Variants in ATP8B1 observed in about 807,000 individuals in gnomAD.
The protein encoded by ATP8B1 is ATPase phospholipid transporting 8B1, also known as phospholipid-transporting ATPase IC.
ATP8B1 carries 80 observed loss-of-function variants against 149.9 expected under a neutral mutation model. The observed-to-expected ratio is 0.53, with a 90% confidence interval of 0.45 to 0.64. The LOEUF is 0.64. Ranked by LOEUF, ATP8B1 falls within the 30% of genes least tolerant of loss-of-function variation. ATP8B1 has a pLI of 0.00. For synonymous variants in ATP8B1, 536 were observed against 562.8 expected (o/e 0.95, Z 0.67); for missense variants, 1,247 against 1,552.6 (o/e 0.80, Z 3.31).
At chr18:57,701,483 T>C (rs545307882) in intron 4 of ATP8B1, among the ~76,000 whole-genome samples, 170 bp from the exon 5 acceptor site, 8 of 152,314 alleles carry the variant, frequency 5.3e-5, no homozygotes, top group African/African-American at 1.9e-4. Context: ...GACAACCTCC[T>C]TCTAGTGGTT....
At chr18:57,741,550 T>C (rs980165165) in intron 1 of ATP8B1, among the ~76,000 whole-genome samples, 1 of 152,350 alleles carries the variant, frequency 6.6e-6, no homozygotes, top group Non-Finnish European at 1.5e-5. Context: ...GCTGGCACCT[T>C]AATTGTAGCC....
Position 57,688,417 on chromosome 18 carries a change from T to A in ATP8B1, c.1311A>T (p.Arg437Ser). 6.2e-7 allele frequency: 1 copy of A among 1,614,228 alleles called. No individual in the cohort carries two copies. The highest frequency in any genetic ancestry group is 8.5e-7 in the Non-Finnish European group (1 of 1,180,048). The change falls in exon 13 of 28, where the codon AGA becomes AGT. Residue 437 changes from arginine to serine, a missense_variant. Coordinates refer to ENST00000648908, the MANE Select transcript of ATP8B1 (RefSeq NM_001374385.1). ...YAEKDTPAKARTTTLNEQLGQ... is the reference protein window; with the variant it reads ...YAEKDTPAKASTTTLNEQLGQ... ...CGAGCTGTTCATTGAGTGTGGTGGT[T>A]CTAGCTTTTGCGGGTGTGTCCTTCT...
At chr18:57,764,419 CTCTTTCTT>C (rs34664757) in intron 1 of ATP8B1, among the ~76,000 whole-genome samples, 1 of 145,316 alleles carries the variant, frequency 6.9e-6, no homozygotes, top group African/African-American at 2.6e-5. Flanking sequence ...CTCTCTTTCT[CTCTTTCTT>C]TCTTTCTTTC....
At chr18:57,747,501 A>G (rs1487104707) in intron 1 of ATP8B1, among the ~76,000 whole-genome samples, 14 of 151,768 alleles carry the variant, frequency 9.2e-5, no homozygotes, top group Admixed American at 8.5e-4. Flanking sequence ...GGCTCTCCTT[A>G]GTGATCTGTA....
intron 1 of ATP8B1, among the ~76,000 whole-genome samples, chr18:57,736,866 T>TA (rs1015777450): frequency 6.6e-6 from 1 of 152,186 alleles, no homozygotes; most frequent in Non-Finnish European, 1.5e-5. Flanking sequence ...TCCATTGGTT[T>TA]ATGTGTCTGT....
intron 12 of ATP8B1, among the ~76,000 whole-genome samples, chr18:57,690,233 C>T (rs748591791): frequency 6.6e-5 from 10 of 152,148 alleles, no homozygotes; most frequent in Non-Finnish European, 1.5e-4. Context: ...AGAGCAGGGA[C>T]AAAGGCCCTG....
At chr18:57,782,121 G>A (rs2080362382) in intron 1 of ATP8B1, among the ~76,000 whole-genome samples, 1 of 152,206 alleles carries the variant, frequency 6.6e-6, no homozygotes, top group African/African-American at 2.4e-5. Context: ...TCTGCCATAG[G>A]GCAGAAAGCT....
rs554589139 is a variant in ATP8B1 at position 57,681,869 on chromosome 18, T to C, written c.1630+2167A>G. On this transcript the variant is annotated intron_variant, in intron 15 of 27. Coordinates refer to ENST00000648908, the MANE Select transcript of ATP8B1 (RefSeq NM_001374385.1). Reference sequence around the variant, plus strand: ...TTCAAGGGATCCTTTCCTGGTACTTTATGGTTAAAAGCCGAAAGCAATTTC... The same window carrying C: ...TTCAAGGGATCCTTTCCTGGTACTTCATGGTTAAAAGCCGAAAGCAATTTC... Among the ~76,000 whole-genome samples, 3 of 117,956 alleles carry C rather than the reference T, an allele frequency of 2.5e-5. No homozygotes were observed. In the East Asian group the frequency reaches 7.6e-4, roughly 30 times the overall value. The allele number at this position is 117,956 out of a possible 152,430, so 77.4% of individuals were successfully genotyped here.
At chr18:57,797,847 C>T (rs977382883) in intron 1 of ATP8B1, among the ~76,000 whole-genome samples, 13 of 151,686 alleles carry the variant, frequency 8.6e-5, no homozygotes, top group South Asian at 2.1e-4. Flanking sequence ...GCTGGGACTA[C>T]GGGCGCATGC....
At chr18:57,649,954 AATG>A (rs1288214655) in intron 27 of ATP8B1, among the ~76,000 whole-genome samples, 1 of 152,218 alleles carries the variant, frequency 6.6e-6, no homozygotes, top group East Asian at 1.9e-4. Flanking sequence ...ACTAATGATT[AATG>A]ATGACGCACT....
At chr18:57,745,264 T>C (rs2079954157) in intron 1 of ATP8B1, among the ~76,000 whole-genome samples, 1 of 152,136 alleles carries the variant, frequency 6.6e-6, no homozygotes, top group South Asian at 2.1e-4. Context: ...GAAAGGACTC[T>C]TACTGAAACA....
rs10048297 is a variant in ATP8B1, at chr18:57,772,906, G to T, written c.-26+30092C>A. Among the ~76,000 whole-genome samples, 4 of 151,944 alleles carry T rather than the reference G, an allele frequency of 2.6e-5. No individual in the cohort carries two copies. In the East Asian group the frequency reaches 7.7e-4, roughly 29 times the overall value. On this transcript the variant is annotated intron_variant, in intron 1 of 27. Transcript: ENST00000648908. ...GTGCAGGATCCATCTGTGCAAAGAG[G>T]CTGGGGCCTCAACAACATGAACTGT...
In ATP8B1 at chr18:57,650,403, G is replaced by C; in HGVS notation, c.3495C>G (p.Phe1165Leu). The change falls in exon 27 of 28, where the codon TTC (phenylalanine) becomes TTG (leucine). Residue 1165 changes from phenylalanine (F) to leucine (L), a missense_variant. Phe to Leu is a conservative substitution (Grantham distance 22). Around this residue, in one of 3 missense-constraint regions of ATP8B1, gnomAD observed 164 missense variants for 160.3 expected, o/e 1.02. Transcript: ENST00000648908. ...VCLLPVVAIR[F>L]LSMTIWPSES... Reference sequence around the variant, plus strand: ...CTGATGGCCAGATGGTCATTGACAGGAATCGAATGGCAACGACGGGTAGTA... The same window carrying C: ...CTGATGGCCAGATGGTCATTGACAGCAATCGAATGGCAACGACGGGTAGTA... The C allele has an allele frequency of 6.2e-7, 1 of 1,613,890 alleles. No individual in the cohort carries two copies. The highest frequency in any genetic ancestry group is 1.7e-5 in the Admixed American group (1 of 60,006).
At chr18:57,672,933 AC>A (rs1568189452) in intron 16 of ATP8B1, among the ~76,000 whole-genome samples, 2,338 of 43,500 alleles carry the variant, frequency 0.054, 236 homozygotes, top group African/African-American at 0.14. Flanking sequence ...TATATATATA[AC>A]ATGTATATAC....
intron 27 of ATP8B1, among the ~76,000 whole-genome samples, chr18:57,649,634 TG>T (rs1363615868): frequency 6.6e-6 from 1 of 151,998 alleles, no homozygotes; most frequent in Non-Finnish European, 1.5e-5. Flanking sequence ...TCATGGGCGG[TG>T]GGCAGGTTGA....
intron 1 of ATP8B1, among the ~76,000 whole-genome samples, chr18:57,770,680 T>C (rs1165333955): frequency 6.6e-6 from 1 of 152,172 alleles, no homozygotes; most frequent in Non-Finnish European, 1.5e-5. Context: ...GGCTACCCCT[T>C]GGGGGCAAAC....
At chr18:57,758,845 A>G (rs965341855) in intron 1 of ATP8B1, among the ~76,000 whole-genome samples, 1 of 151,786 alleles carries the variant, frequency 6.6e-6, no homozygotes, top group African/African-American at 2.4e-5. Flanking sequence ...TGTATAAATC[A>G]TTTTCCTGGA....
intron 2 of ATP8B1, among the ~76,000 whole-genome samples, chr18:57,713,314 A>G: frequency 7.4e-6 from 1 of 135,110 alleles, no homozygotes; most frequent in Non-Finnish European, 1.6e-5. Flanking sequence ...CTTTCTTTTC[A>G]GAGATAGAGT....
chr18:57,680,690 C>T (rs957840792), intron 15 of ATP8B1, among the ~76,000 whole-genome samples: 1 of 54,636 alleles, frequency 1.8e-5, no homozygotes, highest in African/African-American at 6.6e-5. Flanking sequence ...TCCTCTCACC[C>T]CCTTTAAATG....
Sources: allele counts gnomAD v4.1 joint callset (sites outside exome capture counted in the v4.1 genomes callset), GRCh38; gene constraint gnomAD v4.1.1; regional missense constraint gnomAD v4.1.1; transcripts MANE v1.5; gene names NCBI Gene and HGNC (gene_info 2026-07-23, HGNC 2026-07-21).